WDR27: variants seen among roughly 807,000 people sequenced by gnomAD.
WDR27 encodes the protein WD repeat domain 27, also known as WD repeat-containing protein 27.
Under a neutral mutation model 114.4 loss-of-function variants are expected in WDR27, and 100 were observed. The ratio of observed to expected loss-of-function variants is 0.87; its 90% CI spans 0.74 to 1.03. The LOEUF (loss-of-function observed/expected upper bound fraction) is 1.03, where lower values mean the gene tolerates loss of function less well. Ranked by LOEUF, WDR27 falls within the 50% of genes least tolerant of loss-of-function variation. The pLI is 0.00. For synonymous variants in WDR27, 449 were observed against 423.1 expected (o/e 1.06, Z -0.75); for missense variants, 1,129 against 1,092.9 (o/e 1.03, Z -0.47).
rs1805645028 is a variant in WDR27, at chr6:169,590,975, G to A, written c.2425-8041C>T. ...AGCGCAGGTATCTCTTCCATATACGGATTTCAATTCTTTTGGACAAATACC... is the reference window on the plus strand; with the variant it reads ...AGCGCAGGTATCTCTTCCATATACGAATTTCAATTCTTTTGGACAAATACC... On this transcript the variant is annotated intron_variant, in intron 23 of 25. Coordinates refer to ENST00000448612, the MANE Select transcript of WDR27 (RefSeq NM_182552.5). Among the ~76,000 whole-genome samples the A allele has an allele frequency of 4.6e-5, 7 of 152,276 alleles. 1 individual carries two copies. The South Asian group carries it at 1.5e-3, about 32-fold the overall frequency.
intron 25 of WDR27, among the ~76,000 whole-genome samples, chr6:169,525,141 CA>C (rs928085861): frequency 1.3e-4 from 20 of 152,106 alleles, no homozygotes; most frequent in African/African-American, 4.8e-4. Flanking sequence ...CAAAAGAAGA[CA>C]TACAAGTAGC....
At chr6:169,475,391 T>C (rs574066574) in intron 25 of WDR27, among the ~76,000 whole-genome samples, 126 of 152,170 alleles carry the variant, frequency 8.3e-4, no homozygotes, top group African/African-American at 2.9e-3. Context: ...CCTGGCTAAT[T>C]TTTGTATTTT....
chr6:169,691,499 C>G (rs897672319), intron 1 of WDR27, among the ~76,000 whole-genome samples: 2 of 152,082 alleles, frequency 1.3e-5, no homozygotes, highest in African/African-American at 4.8e-5. Flanking sequence ...GGGAACAATA[C>G]GAACCTGCTG....
chr6:169,491,172 T>C (rs577520870), intron 25 of WDR27, among the ~76,000 whole-genome samples: 24 of 152,216 alleles, frequency 1.6e-4, no homozygotes, highest in African/African-American at 5.8e-4. Context: ...ATGAATGAGA[T>C]CAGCTCCAGC....
intron 25 of WDR27, among the ~76,000 whole-genome samples, chr6:169,555,944 C>T (rs1798815806): frequency 6.6e-6 from 1 of 152,108 alleles, no homozygotes; most frequent in Non-Finnish European, 1.5e-5. Flanking sequence ...GACTCTTTAC[C>T]TTACCTTTCT....
downstream of WDR27, among the ~76,000 whole-genome samples, chr6:169,452,657 G>C (rs1784204715): frequency 2.0e-5 from 3 of 152,216 alleles, no homozygotes; most frequent in Non-Finnish European, 2.9e-5. Flanking sequence ...GAGCCCAGGA[G>C]GGGCAAAGTG....
intron 25 of WDR27, among the ~76,000 whole-genome samples, chr6:169,553,189 G>A (rs1013332212): frequency 2.0e-5 from 3 of 151,950 alleles, no homozygotes; most frequent in Admixed American, 6.6e-5. Flanking sequence ...CGGGTGCTCA[G>A]GGAATGTTTT....
At chr6:169,570,586 T>C (rs1801226870) in intron 25 of WDR27, among the ~76,000 whole-genome samples, 1 of 152,198 alleles carries the variant, frequency 6.6e-6, no homozygotes, top group Non-Finnish European at 1.5e-5. Context: ...CCCAACACTT[T>C]GGGAGGCCTA....
rs566443470 is a variant in WDR27 at position 169,474,954 on chromosome 6, G to A, written c.2646-17320C>T. Reference sequence around the variant, plus strand: ...TCGGTTTCAGTTAGTGTTCAGTGAGGTACAACAAGTGTAGAGAAGAGCCCC... The same window carrying A: ...TCGGTTTCAGTTAGTGTTCAGTGAGATACAACAAGTGTAGAGAAGAGCCCC... On this transcript the variant is annotated intron_variant, in intron 25 of 25. Transcript: ENST00000448612. Among the ~76,000 whole-genome samples the A allele has an allele frequency of 1.1e-3, 173 of 152,246 alleles. No individual in the cohort carries two copies. The Middle Eastern group carries it at 0.02, about 18-fold the overall frequency.
intron 25 of WDR27, among the ~76,000 whole-genome samples, chr6:169,557,403 G>A (rs1172967361): frequency 6.6e-6 from 1 of 152,222 alleles, no homozygotes; most frequent in Non-Finnish European, 1.5e-5. Context: ...GGGACGTGGG[G>A]AAGACCCTGA....
intron 2 of WDR27, among the ~76,000 whole-genome samples, chr6:169,682,880 T>TA (rs891407731): frequency 2.6e-5 from 4 of 151,898 alleles, no homozygotes; most frequent in Non-Finnish European, 4.4e-5. Context: ...AGATTAATTT[T>TA]AAAAAAAATC....
intron 21 of WDR27, among the ~76,000 whole-genome samples, chr6:169,619,275 A>C (rs1000194138): frequency 6.6e-6 from 1 of 152,022 alleles, no homozygotes; most frequent in Non-Finnish European, 1.5e-5. Flanking sequence ...TCCAGGAACA[A>C]AGCGAGGCAC....
chr6:169,603,151 C>CTT (rs11285980), intron 22 of WDR27, among the ~76,000 whole-genome samples: 4 of 136,664 alleles, frequency 2.9e-5, no homozygotes, highest in South Asian at 4.7e-4. Flanking sequence ...CAAGATAATT[C>CTT]TTTTTTTTTT....
At chr6:169,628,651 T>C (rs1815492255) in intron 21 of WDR27, among the ~76,000 whole-genome samples, 1 of 152,234 alleles carries the variant, frequency 6.6e-6, no homozygotes, top group Non-Finnish European at 1.5e-5. Flanking sequence ...CAGGACAGGA[T>C]GGCTGTTCCC....
the WDR27 span, among the ~76,000 whole-genome samples, chr6:169,428,917 G>C: frequency 6.6e-6 from 1 of 152,306 alleles, no homozygotes; most frequent in South Asian, 2.1e-4. Flanking sequence ...GGCTTGTAAG[G>C]TGCTCTCGGC....
At chr6:169,570,415 G>C (rs1265156855) in intron 25 of WDR27, among the ~76,000 whole-genome samples, 1 of 152,162 alleles carries the variant, frequency 6.6e-6, no homozygotes, top group Non-Finnish European at 1.5e-5. Context: ...TCTTCAGGAG[G>C]ACACGAGACC....
At chr6:169,577,248 G>A (rs897712862) in intron 24 of WDR27, among the ~76,000 whole-genome samples, 1 of 152,192 alleles carries the variant, frequency 6.6e-6, no homozygotes, top group Non-Finnish European at 1.5e-5. Flanking sequence ...ACCTGGGAAA[G>A]TGGGAATGGG....
chr6:169,633,312 C>T (rs1383726710), intron 20 of WDR27, among the ~76,000 whole-genome samples: 1 of 152,140 alleles, frequency 6.6e-6, no homozygotes, highest in African/African-American at 2.4e-5. Context: ...AAAAGTGAGA[C>T]CACCACAGTA....
chr6:169,624,424 G>A (rs971563312), intron 21 of WDR27, among the ~76,000 whole-genome samples: 5 of 152,136 alleles, frequency 3.3e-5, no homozygotes, highest in Non-Finnish European at 5.9e-5. Flanking sequence ...CCCCTCATGC[G>A]TCTCTCTCAA....
Sources: gnomAD v4.1 joint callset for allele counts (sites outside exome capture counted in the v4.1 genomes callset) on GRCh38, gnomAD v4.1.1 for gene constraint, MANE v1.5 for transcripts, NCBI Gene and HGNC (gene_info 2026-07-23, HGNC 2026-07-21) for gene names.